Variants in IREB2 observed in about 807,000 individuals in gnomAD.
IREB2 encodes the protein iron-responsive element-binding protein 2.
In IREB2, 39 loss-of-function variants were observed where a neutral mutation model predicts 118.8. The observed-to-expected ratio is 0.33, with a 90% CI of 0.25 to 0.43. The LOEUF is 0.43. Among genes scored for constraint, IREB2 ranks in the 20% least tolerant of loss-of-function variants. The pLI is 1.00. For synonymous variants in IREB2, 372 were observed against 392.2 expected (o/e 0.95, Z 0.61); for missense variants, 900 against 1,147.3 (o/e 0.78, Z 3.11).
chr15:78,438,170 G>T, upstream of IREB2: 1 of 586,074 alleles, frequency 1.7e-6, no homozygotes, highest in Non-Finnish European at 3.1e-6. Flanking sequence ...CAAATCCCGC[G>T]AGCGCAGACC....
intron 2 of IREB2, among the ~76,000 whole-genome samples, chr15:78,444,665 T>C (rs2656053): frequency 1 from 152,096 of 152,292 alleles, 75,950 homozygotes; most frequent in Middle Eastern, 1. Flanking sequence ...ACATTGCAGA[T>C]GGTACAGAAA....
At chr15:78,489,236 A>G (rs1566994250) in intron 16 of IREB2, among the ~76,000 whole-genome samples, 1 of 151,904 alleles carries the variant, frequency 6.6e-6, no homozygotes, top group Non-Finnish European at 1.5e-5. Flanking sequence ...AAAAAAAAAA[A>G]AAGAAAGAAA....
intron 7 of IREB2, 151 bp from the exon 8 acceptor site, chr15:78,473,091 C>A: frequency 1.5e-6 from 1 of 655,694 alleles, no homozygotes; most frequent in Non-Finnish European, 2.6e-6. Context: ...TTTTGGGAAG[C>A]CTTGGGTTCA....
At position 78,450,824 on chromosome 15, in the gene IREB2, TTGTGTGTGTGTGTGTGTGTGTGTGTGTG is replaced by T. The variant is rs35092289; in HGVS notation, c.106+10965_106+10992del. Among the ~76,000 whole-genome samples, 19 of 134,020 alleles carry T rather than the reference TTGTGTGTGTGTGTGTGTGTGTGTGTGTG, an allele frequency of 1.4e-4. 1 individual carries two copies. The highest frequency in any genetic ancestry group is 5.4e-4 in the African/African-American group (19 of 35,476). The allele number at this position is 134,020 out of a possible 152,430, so 87.9% of individuals were successfully genotyped here. ...GAGGGCTGTGGTGATATTAACAAAT[TTGTGTGTGTGTGTGTGTGTGTGTGTGTG>T]TGTGTGTGTGTGTGTGTGTGTATTT... On this transcript the variant is annotated intron_variant, in intron 2 of 21. Coordinates refer to ENST00000258886, the MANE Select transcript of IREB2 (RefSeq NM_004136.4).
At chr15:78,446,417 G>C (rs1447649863) in intron 2 of IREB2, among the ~76,000 whole-genome samples, 1 of 152,130 alleles carries the variant, frequency 6.6e-6, no homozygotes, top group East Asian at 1.9e-4. Context: ...GAGTGAAGAA[G>C]GATTTATTGT....
intron 2 of IREB2, among the ~76,000 whole-genome samples, chr15:78,457,710 T>C (rs72738729): frequency 0.15 from 22,950 of 152,070 alleles, 1,767 homozygotes; most frequent in Non-Finnish European, 0.16. Context: ...AGTAATACTT[T>C]GTTTTTCAAA....
intron 2 of IREB2, among the ~76,000 whole-genome samples, chr15:78,460,349 A>G (rs2051176043): frequency 6.6e-6 from 1 of 152,088 alleles, no homozygotes; most frequent in Admixed American, 6.5e-5. Context: ...TTCCCCCTTT[A>G]TTTGTCAGTT....
rs1261857847 is a variant in IREB2, at chr15:78,499,055, A to T, written c.*912A>T. ...ATTAAACTCTGAACTGATTTCTTCT[A>T]TACATTTAAATTATCCACCCTCAAT... On this transcript the variant is annotated 3_prime_UTR_variant, in exon 22 of 22. Transcript: ENST00000258886. 6.6e-6 allele frequency: 1 copy of T among 152,220 alleles called. No individual in the cohort carries two copies. Among genetic ancestry groups the T allele is most frequent in the African/African-American group, 2.4e-5 (1 of 41,460 alleles). 9.4% of individuals were successfully genotyped at this position (152,220 alleles called of 1,614,324 possible).
chr15:78,462,921 G>C lies in IREB2; in HGVS notation c.107-1G>C. On this transcript the variant is annotated splice_acceptor_variant, in intron 2 of 21. Transcript: ENST00000258886. LOFTEE classifies it high-confidence loss of function. ...TTAATAGTAATATTTTCTTGAATCA[G>C]ATGTTCTGCCTTACTCAATACGGGT... The C allele has an allele frequency of 6.3e-7, 1 of 1,576,710 alleles. No homozygotes were observed. Among genetic ancestry groups the C allele is most frequent in the Middle Eastern group, 1.7e-4 (1 of 5,864 alleles).
intron 8 of IREB2, chr15:78,473,941 C>A (rs991879554): frequency 6.6e-6 from 1 of 152,072 alleles, no homozygotes; most frequent in African/African-American, 2.4e-5. Context: ...GTAATGCTTT[C>A]AAAAACATGG....
rs2051904736 is a variant in IREB2 at position 78,499,600 on chromosome 15, G to T, written c.*1457G>T. ...TCTTTTGAAAATATTTTGCAAATAT[G>T]TGTTTAGACAATAAGATGGACTAGA... On this transcript the variant is annotated 3_prime_UTR_variant, in exon 22 of 22. Coordinates refer to ENST00000258886, the MANE Select transcript of IREB2 (RefSeq NM_004136.4). The T allele has an allele frequency of 6.6e-6, 1 of 152,122 alleles. No homozygotes were observed. The highest frequency in any genetic ancestry group is 2.1e-4 in the South Asian group (1 of 4,828). The allele number at this position is 152,122 out of a possible 1,614,324, so 9.4% of individuals were successfully genotyped here. A position where few individuals can be genotyped will look rare whatever the true frequency, so the allele number is the denominator to read the frequency against.
At chr15:78,496,468 A>G (rs1423555987) in intron 20 of IREB2, among the ~76,000 whole-genome samples, 1 of 152,166 alleles carries the variant, frequency 6.6e-6, no homozygotes, top group East Asian at 1.9e-4. Context: ...GAGTTTCACC[A>G]TGTTGGCCAG....
At chr15:78,487,118 A>G (rs1290484940) in intron 13 of IREB2, among the ~76,000 whole-genome samples, 1 of 152,078 alleles carries the variant, frequency 6.6e-6, no homozygotes, top group African/African-American at 2.4e-5. Flanking sequence ...ATTATCTTGG[A>G]TTTATTGTCA....
chr15:78,458,472 CATT>C (rs1351394131), intron 2 of IREB2, among the ~76,000 whole-genome samples: 1 of 152,120 alleles, frequency 6.6e-6, no homozygotes, highest in African/African-American at 2.4e-5. Context: ...TTAAGCCTCT[CATT>C]ATGTTGGCCA....
chr15:78,494,412 A>G, intron 20 of IREB2, 148 bp downstream of exon 20: 1 of 799,924 alleles, frequency 1.3e-6, no homozygotes. Flanking sequence ...TGTTTATTTC[A>G]GTGATCTTTG....
chr15:78,460,194 C>CATTT (rs2051173905), intron 2 of IREB2, among the ~76,000 whole-genome samples: 1 of 152,142 alleles, frequency 6.6e-6, no homozygotes, highest in Non-Finnish European at 1.5e-5. Flanking sequence ...TTATCTAGAT[C>CATTT]CATTATTTCA....
chr15:78,482,806 G>A (rs1249649088), intron 10 of IREB2, among the ~76,000 whole-genome samples: 1 of 150,722 alleles, frequency 6.6e-6, no homozygotes. Context: ...GGAGTGCAGT[G>A]GCGCGATCTT....
At chr15:78,491,997 G>A (rs1411194806) in intron 18 of IREB2, among the ~76,000 whole-genome samples, 1 of 152,100 alleles carries the variant, frequency 6.6e-6, no homozygotes, top group Non-Finnish European at 1.5e-5. Flanking sequence ...TATGCCTCCT[G>A]ATATGTATTT....
At chr15:78,463,791 G>T (rs560678127) in intron 3 of IREB2, among the ~76,000 whole-genome samples, 1 of 152,184 alleles carries the variant, frequency 6.6e-6, no homozygotes, top group East Asian at 1.9e-4. Flanking sequence ...CGATCCTCCT[G>T]CCTCTGCCTC....
Sources: allele counts gnomAD v4.1 joint callset (sites outside exome capture counted in the v4.1 genomes callset), GRCh38; gene constraint gnomAD v4.1.1; transcripts MANE v1.5; gene names NCBI Gene and HGNC (gene_info 2026-07-23, HGNC 2026-07-21).